The following EFHC2 variants were observed in gnomAD, a reference collection of about 807,000 sequenced individuals.
The protein encoded by EFHC2 is EF-hand domain containing 2.
A neutral mutation model predicts 52.7 loss-of-function variants in EFHC2; 18 were observed. That is an observed-to-expected ratio of 0.34 (90% CI 0.24 to 0.51). The LOEUF is 0.51. Among genes scored for constraint, EFHC2 ranks in the 20% least tolerant of loss-of-function variants. EFHC2 has a pLI of 0.97. For synonymous variants in EFHC2, 203 were observed against 204.1 expected (o/e 0.99, Z 0.04); for missense variants, 513 against 562.5 (o/e 0.91, Z 0.89).
intron 2 of EFHC2, among the ~76,000 whole-genome samples, chrX:44,277,178 G>C (rs1356862099): frequency 1.9e-5 from 2 of 103,317 alleles, no homozygotes; most frequent in Non-Finnish European, 3.9e-5. Flanking sequence ...AGAATGGCAT[G>C]AACCTGGGAG....
chrX:44,326,053 C>T (rs946384106), intron 1 of EFHC2, among the ~76,000 whole-genome samples: 1 of 108,074 alleles, frequency 9.3e-6, no homozygotes, highest in Non-Finnish European at 1.9e-5. Flanking sequence ...ACTACCACAC[C>T]CTGCTAATTT....
intron 1 of EFHC2, among the ~76,000 whole-genome samples, chrX:44,339,071 A>C (rs2038136226): frequency 9.0e-6 from 1 of 111,325 alleles, no homozygotes; most frequent in African/African-American, 3.3e-5. Flanking sequence ...CACACCTGTA[A>C]TCCCAGCTAC....
rs979535679 is a variant in EFHC2, at chrX:44,310,097, T to C, written c.231+2471A>G. On this transcript the variant is annotated intron_variant, in intron 2 of 14. Coordinates refer to ENST00000420999, the MANE Select transcript of EFHC2 (RefSeq NM_025184.4). ...CTGCAAAGAAAACCAGAACATGGGA[T>C]ATAAAATATCTCTCCTCGGGCTTCA... 3.5e-4 allele frequency: 250 copies of C among 712,857 alleles called. 1 individual carries two copies. The highest frequency in any genetic ancestry group is 7.7e-4 in the South Asian group (36 of 46,969). The allele number at this position is 712,857 out of a possible 1,213,427, so 58.7% of individuals were successfully genotyped here. A position where few individuals can be genotyped will look rare whatever the true frequency, so the allele number is the denominator to read the frequency against.
At chrX:44,247,704 C>G (rs1465017533) in intron 7 of EFHC2, among the ~76,000 whole-genome samples, 1 of 111,721 alleles carries the variant, frequency 9.0e-6, no homozygotes, top group Non-Finnish European at 1.9e-5. Context: ...AACTCTATCT[C>G]CTAAGTCTAC....
chrX:44,236,529 A>G (rs1004463356), intron 8 of EFHC2, among the ~76,000 whole-genome samples: 4 of 112,600 alleles, frequency 3.6e-5, no homozygotes, highest in African/African-American at 1.3e-4. Flanking sequence ...AGTGATTTAA[A>G]AAATAAACCA....
intron 11 of EFHC2, among the ~76,000 whole-genome samples, chrX:44,210,377 A>T (rs1182396059): frequency 8.9e-6 from 1 of 112,510 alleles, no homozygotes; most frequent in African/African-American, 3.2e-5. Context: ...ATAGAGCCAA[A>T]ATAACTTTGA....
At chrX:44,160,621 A>G (rs928846431) in intron 14 of EFHC2, among the ~76,000 whole-genome samples, 5 of 112,349 alleles carry the variant, frequency 4.5e-5, no homozygotes, top group African/African-American at 9.7e-5. Context: ...ATGCCTGTCA[A>G]TAAAGAGCAG....
rs754149543 is a variant in EFHC2, at chrX:44,176,343, T to C, written c.1991A>G (p.Lys664Arg). 2.5e-6 allele frequency: 3 copies of C among 1,197,489 alleles called. No homozygotes were observed. The highest frequency in any genetic ancestry group is 2.3e-5 in the Admixed American group (1 of 43,642). Residue 664 changes from lysine (K) to arginine (R), a missense_variant, in exon 13 of 15, where the codon AAA (lysine) becomes AGA (arginine). Coordinates refer to ENST00000420999, the MANE Select transcript of EFHC2 (RefSeq NM_025184.4). Reference sequence around the variant, plus strand: ...ATCACTCAAAGGTAATCTGGAGGATTTGCACAGCCTTTTAATGTCTTTGGT... The same window carrying C: ...ATCACTCAAAGGTAATCTGGAGGATCTGCACAGCCTTTTAATGTCTTTGGT... ...LPTKDIKRLCKSSRLPLSDDL... is the reference protein window; with the variant it reads ...LPTKDIKRLCRSSRLPLSDDL...
chrX:44,209,984 T>A (rs927580856), intron 11 of EFHC2, among the ~76,000 whole-genome samples: 10 of 110,176 alleles, frequency 9.1e-5, no homozygotes, highest in Non-Finnish European at 1.9e-4. Context: ...GAAAACAAGC[T>A]CAGGGCTCCT....
chrX:44,267,506 C>A (rs1169612675), intron 3 of EFHC2, among the ~76,000 whole-genome samples: 1 of 111,410 alleles, frequency 9.0e-6, no homozygotes, highest in Non-Finnish European at 1.9e-5. Context: ...ATTCCAAACT[C>A]CCCCCACCCT....
At chrX:44,276,902 C>T (rs1322328004) in intron 2 of EFHC2, among the ~76,000 whole-genome samples, 1 of 111,702 alleles carries the variant, frequency 9.0e-6, no homozygotes, top group Non-Finnish European at 1.9e-5. Flanking sequence ...GATGGGGAGG[C>T]TGATGTGGCC....
intron 11 of EFHC2, among the ~76,000 whole-genome samples, chrX:44,207,821 C>A (rs373265450): frequency 3.6e-5 from 4 of 111,754 alleles, no homozygotes; most frequent in Non-Finnish European, 5.7e-5. Context: ...CAACAACATT[C>A]GAAAGTGGGC....
In EFHC2 at chrX:44,279,485, T is replaced by C. The variant is rs142166561; in HGVS notation, c.232-6649A>G. 1.3e-3 allele frequency among the ~76,000 whole-genome samples: 144 copies of C among 111,498 alleles called. No homozygotes were observed. In the South Asian group the frequency reaches 0.018, roughly 14 times the overall value. On this transcript the variant is annotated intron_variant, in intron 2 of 14. Coordinates refer to ENST00000420999, the MANE Select transcript of EFHC2 (RefSeq NM_025184.4). ...CCAAGGACTTTTTAAATAAATAAAA[T>C]AGATAAGATTTTAGAAAGCTCATCA...
intron 11 of EFHC2, among the ~76,000 whole-genome samples, chrX:44,217,169 G>A (rs898773246): frequency 1.6e-4 from 18 of 111,411 alleles, no homozygotes; most frequent in African/African-American, 5.9e-4. Context: ...AGTACAATGA[G>A]ATATCATCTT....
intron 11 of EFHC2, among the ~76,000 whole-genome samples, chrX:44,216,042 G>C (rs1366954403): frequency 1.8e-5 from 2 of 112,243 alleles, no homozygotes; most frequent in Non-Finnish European, 3.8e-5. Flanking sequence ...AGGCACTAAA[G>C]GATATCAAAT....
chrX:44,339,192 A>AAAAAAC (rs2038137762), intron 1 of EFHC2, among the ~76,000 whole-genome samples: 1 of 34,183 alleles, frequency 2.9e-5, no homozygotes, highest in Admixed American at 2.9e-4. Context: ...CTCCATCTCC[A>AAAAAAC]AAAAAAAAAA....
At chrX:44,187,645 C>T (rs1349539840) in intron 11 of EFHC2, among the ~76,000 whole-genome samples, 2 of 110,760 alleles carry the variant, frequency 1.8e-5, no homozygotes, top group African/African-American at 6.6e-5. Flanking sequence ...AAAATTAGCT[C>T]GACATTGTGG....
intron 11 of EFHC2, among the ~76,000 whole-genome samples, chrX:44,197,999 G>A (rs2036978350): frequency 8.9e-6 from 1 of 112,134 alleles, no homozygotes; most frequent in African/African-American, 3.2e-5. Context: ...GCAACTAAAT[G>A]GCTATATAGC....
chrX:44,185,686 A>G (rs1375987176), intron 11 of EFHC2, among the ~76,000 whole-genome samples: 1 of 110,291 alleles, frequency 9.1e-6, no homozygotes, highest in Non-Finnish European at 1.9e-5. Context: ...ACAGGTGTGC[A>G]CTACCACGCT....
Sources: gnomAD v4.1 joint callset for allele counts (sites outside exome capture counted in the v4.1 genomes callset) on GRCh38, gnomAD v4.1.1 for gene constraint, MANE v1.5 for transcripts, NCBI Gene and HGNC (gene_info 2026-07-23, HGNC 2026-07-21) for gene names.